The following CASP9 variants were observed in gnomAD, a reference collection of about 807,000 sequenced individuals.
CASP9 encodes the protein caspase 9, also known as caspase-9.
Under a neutral mutation model 43.5 loss-of-function variants are expected in CASP9, and 29 were observed. The ratio of observed to expected loss-of-function variants is 0.67; its 90% CI spans 0.50 to 0.91. The LOEUF (loss-of-function observed/expected upper bound fraction) is 0.91. CASP9 is among the 40% of genes least tolerant of loss of function. CASP9 has a pLI of 0.00. For synonymous variants in CASP9, 206 were observed against 211.9 expected (o/e 0.97, Z 0.24); for missense variants, 575 against 537.4 (o/e 1.07, Z -0.69).
At chr1:15,522,353 T>C (rs1710236592) in intron 1 of CASP9, among the ~76,000 whole-genome samples, 1 of 152,248 alleles carries the variant, frequency 6.6e-6, no homozygotes, top group Admixed American at 6.5e-5. Context: ...AAAAAATTTC[T>C]GAATTTGTTG....
chr1:15,521,770 CTGTCTTTTTTTCTATCTCTTTCTCCTG>C (rs368386421), intron 1 of CASP9, among the ~76,000 whole-genome samples: 1,720 of 152,280 alleles, frequency 0.011, 23 homozygotes, highest in African/African-American at 0.032. Context: ...CCGGGCCCAG[CTGTCTTTTTTTCTATCTCTTTCTCCTG>C]TGTCTTTATT....
At chr1:15,513,988 C>T (rs1271395999) in intron 2 of CASP9, among the ~76,000 whole-genome samples, 1 of 152,138 alleles carries the variant, frequency 6.6e-6, no homozygotes, top group Non-Finnish European at 1.5e-5. Flanking sequence ...GAACAATACC[C>T]GACACACTTG....
chr1:15,518,033 C>A, intron 2 of CASP9, 77 bp downstream of exon 2: 1 of 1,467,450 alleles, frequency 6.8e-7, no homozygotes, highest in Non-Finnish European at 9.4e-7. Flanking sequence ...GAATCTCAGC[C>A]CACCCAGCTG....
At chr1:15,513,054 G>A (rs4646021) in intron 2 of CASP9, among the ~76,000 whole-genome samples, 356 of 152,050 alleles carry the variant, frequency 2.3e-3, no homozygotes, top group Admixed American at 4.1e-3. Flanking sequence ...CCAGATACTC[G>A]GGAGGCTGAG....
At chr1:15,514,772 G>A in intron 2 of CASP9, among the ~76,000 whole-genome samples, 1 of 152,184 alleles carries the variant, frequency 6.6e-6, no homozygotes. Context: ...TTGGGAGGCT[G>A]AGGCGGGTTT....
At chr1:15,508,027 G>A in intron 2 of CASP9, 120 bp from the exon 3 acceptor site, 2 of 961,282 alleles carry the variant, frequency 2.1e-6, no homozygotes, top group Non-Finnish European at 3.3e-6. Flanking sequence ...CTCAGACTCT[G>A]CTGGTGGGAG....
chr1:15,512,485 T>C (rs1709791381), intron 2 of CASP9, among the ~76,000 whole-genome samples: 1 of 152,158 alleles, frequency 6.6e-6, no homozygotes. Context: ...GACATCAGTC[T>C]TCTCCTGCCT....
intron 4 of CASP9, among the ~76,000 whole-genome samples, chr1:15,506,639 G>A (rs927427552): frequency 6.6e-6 from 1 of 152,124 alleles, no homozygotes; most frequent in Non-Finnish European, 1.5e-5. Context: ...ACAACCCAAG[G>A]AGGCAGGTAC....
At chr1:15,507,103 C>T (rs753204921) in intron 3 of CASP9, 28 bp from the exon 4 acceptor site, 56 of 1,612,156 alleles carry the variant, frequency 3.5e-5, no homozygotes, top group East Asian at 4.5e-5. Context: ...CACGTAAACC[C>T]GGGCTCTCCC....
At chr1:15,513,705 A>G (rs925124670) in intron 2 of CASP9, among the ~76,000 whole-genome samples, 1 of 152,196 alleles carries the variant, frequency 6.6e-6, no homozygotes, top group African/African-American at 2.4e-5. Flanking sequence ...GGTACTTAGT[A>G]AACATTTGTG....
In CASP9 at chr1:15,497,632, ACT is replaced by A. The variant is rs569646193; in HGVS notation, c.869-2182_869-2181del. Among the ~76,000 whole-genome samples, 141 of 141,764 alleles carry A rather than the reference ACT, an allele frequency of 9.9e-4. 3 individuals carry two copies. The Middle Eastern group carries it at 0.024, about 24-fold the overall frequency. 93.0% of individuals were successfully genotyped at this position (141,764 alleles called of 152,430 possible). The stretch of plus-strand genomic sequence containing the variant: ...TCCTCCAGTCTGACAACAGAGCGAG[ACT>A]CTGTCTCAAGAAAAAAAAAAAAAAG... On this transcript the variant is annotated intron_variant, in intron 6 of 8. Coordinates refer to ENST00000333868, the MANE Select transcript of CASP9 (RefSeq NM_001229.5).
At chr1:15,501,757 T>C (rs1306528712) in intron 6 of CASP9, among the ~76,000 whole-genome samples, 1 of 152,094 alleles carries the variant, frequency 6.6e-6, no homozygotes, top group Non-Finnish European at 1.5e-5. Flanking sequence ...ATTTGGCTCA[T>C]ATTTTTTTTT....
chr1:15,494,049 C>G (rs774197598), intron 7 of CASP9, 48 bp from the exon 8 acceptor site: 2 of 1,538,342 alleles, frequency 1.3e-6, no homozygotes, highest in Admixed American at 2.0e-5. Context: ...ACCCCTCCGC[C>G]GGCTCCCCAC....
At chr1:15,509,680 G>C (rs550497727) in intron 2 of CASP9, among the ~76,000 whole-genome samples, 1 of 151,378 alleles carries the variant, frequency 6.6e-6, no homozygotes, top group Non-Finnish European at 1.5e-5. Context: ...AAAAAAGCCA[G>C]ACACCAGAGA....
At chr1:15,496,575 C>T (rs1051151148) in intron 6 of CASP9, among the ~76,000 whole-genome samples, 2 of 152,050 alleles carry the variant, frequency 1.3e-5, no homozygotes, top group Non-Finnish European at 2.9e-5. Flanking sequence ...ACGAAGCCAA[C>T]CACAAAAAAT....
intron 7 of CASP9, 80 bp from the exon 8 acceptor site, chr1:15,494,081 T>A (rs2020900): frequency 0.57 from 864,618 of 1,522,542 alleles, 250,906 homozygotes; most frequent in African/African-American, 0.85. Context: ...CCATGCACGC[T>A]GGCTCGGGCG....
chr1:15,493,174 C>T, intron 8 of CASP9, 139 bp from the exon 9 acceptor site: 1 of 1,476,684 alleles, frequency 6.8e-7, no homozygotes, highest in South Asian at 1.4e-5. Context: ...AGCAGGAGGG[C>T]TTAAAGAATA....
At chr1:15,519,474 G>T (rs2103377796) in intron 1 of CASP9, among the ~76,000 whole-genome samples, 1 of 152,268 alleles carries the variant, frequency 6.6e-6, no homozygotes, top group African/African-American at 2.4e-5. Context: ...GAGCTACCAT[G>T]CCCGGCCACC....
chr1:15,509,975 G>T (rs1458569909), intron 2 of CASP9, among the ~76,000 whole-genome samples: 1 of 152,144 alleles, frequency 6.6e-6, no homozygotes, highest in Non-Finnish European at 1.5e-5. Context: ...CTGTCACCCA[G>T]GCTGGAGTGC....
Sources: allele counts gnomAD v4.1 joint callset (sites outside exome capture counted in the v4.1 genomes callset), GRCh38; gene constraint gnomAD v4.1.1; transcripts MANE v1.5; gene names NCBI Gene and HGNC (gene_info 2026-07-23, HGNC 2026-07-21).